Variants in PIR observed in about 807,000 individuals in gnomAD.
PIR encodes pirin (iron-binding nuclear protein).
A neutral mutation model predicts 24.2 loss-of-function variants in PIR; 22 were observed. The observed-to-expected ratio is 0.91, with a 90% CI of 0.65 to 1.30. The LOEUF (loss-of-function observed/expected upper bound fraction) is 1.30, where lower values mean the gene tolerates loss of function less well. Among genes scored for constraint, PIR ranks in the 50% most tolerant of loss-of-function variants. PIR has a pLI of 0.00. For synonymous variants in PIR, 80 were observed against 79.6 expected, an observed-to-expected ratio of 1.00 and a Z score of -0.03; for missense variants, 220 against 220.3, an observed-to-expected ratio of 1.00 and a Z score of 0.01.
At chrX:15,397,185 T>C (rs951320262) in intron 8 of PIR, among the ~76,000 whole-genome samples, 3 of 112,440 alleles carry the variant, frequency 2.7e-5, no homozygotes, top group African/African-American at 9.7e-5. Context: ...ACAACAAAGA[T>C]GTGTTGCTTC....
At chrX:15,390,694 G>A (rs186986576) in intron 8 of PIR, among the ~76,000 whole-genome samples, 1 of 111,215 alleles carries the variant, frequency 9.0e-6, no homozygotes, top group African/African-American at 3.3e-5. Flanking sequence ...CGGAAATATT[G>A]CACTAAATGG....
At chrX:15,410,983 T>A (rs1277642411) in intron 6 of PIR, among the ~76,000 whole-genome samples, 2 of 112,164 alleles carry the variant, frequency 1.8e-5, no homozygotes, top group Non-Finnish European at 3.8e-5. Context: ...ACAGAAGAGA[T>A]CTCTTGTCAG....
intron 6 of PIR, among the ~76,000 whole-genome samples, chrX:15,410,594 C>G (rs1051547001): frequency 4.5e-5 from 5 of 111,897 alleles, no homozygotes; most frequent in African/African-American, 1.3e-4. Flanking sequence ...AAATAATTGC[C>G]TAGATCTGTT....
intron 9 of PIR, among the ~76,000 whole-genome samples, chrX:15,387,073 C>CT (rs764572854): frequency 0.014 from 175 of 12,698 alleles, 7 homozygotes; most frequent in Non-Finnish European, 0.021. Context: ...CTTTTCTTTT[C>CT]TTTTTTTTTT....
At chrX:15,462,576 A>G (rs1349303870) in intron 3 of PIR, among the ~76,000 whole-genome samples, 1 of 112,450 alleles carries the variant, frequency 8.9e-6, no homozygotes, top group Non-Finnish European at 1.9e-5. Flanking sequence ...CCTCCTCTAT[A>G]CAAGCACTCA....
At chrX:15,460,602 C>T (rs1921260950) in intron 3 of PIR, among the ~76,000 whole-genome samples, 1 of 111,185 alleles carries the variant, frequency 9.0e-6, no homozygotes, top group Non-Finnish European at 1.9e-5. Context: ...CTTGCAGTGA[C>T]AAGATGAATA....
At chrX:15,457,822 G>A (rs772688736) in intron 4 of PIR, among the ~76,000 whole-genome samples, 2 of 112,086 alleles carry the variant, frequency 1.8e-5, no homozygotes, top group African/African-American at 3.2e-5. Context: ...CAGCCTGGGG[G>A]CCCAATCTAA....
At chrX:15,457,921 A>G (rs762031633) in intron 4 of PIR, among the ~76,000 whole-genome samples, 93 of 112,313 alleles carry the variant, frequency 8.3e-4, no homozygotes, top group African/African-American at 2.9e-3. Context: ...TGCTGCAATG[A>G]CAGAGTCTGG....
chrX:15,454,838 TTCAA>T (rs1370488852), intron 5 of PIR, among the ~76,000 whole-genome samples: 3 of 111,836 alleles, frequency 2.7e-5, no homozygotes, highest in African/African-American at 9.8e-5. Flanking sequence ...GTGCCTCCAC[TTCAA>T]AGTTAATGGC....
rs189889607 is a variant in PIR at position 15,433,112 on chromosome X, C to T, written c.481-7122G>A. ...CAAGTTGGCAGTGGCAGATATGAAT[C>T]TACATAGAGCTCAAAGGGGAGGCTT... is the stretch of plus-strand genomic sequence containing the variant. On this transcript the variant is annotated intron_variant, in intron 5 of 9. Transcript: ENST00000380420. Among the ~76,000 whole-genome samples, 8 of 112,519 alleles carry T rather than the reference C, an allele frequency of 7.1e-5. No homozygotes were observed. In the Admixed American group the frequency reaches 7.5e-4, roughly 11 times the overall value.
At chrX:15,386,241 C>A (rs1415975869) in intron 9 of PIR, among the ~76,000 whole-genome samples, 1 of 112,248 alleles carries the variant, frequency 8.9e-6, no homozygotes, top group East Asian at 2.8e-4. Context: ...AACTTCTTAA[C>A]CATTGTTATC....
intron 5 of PIR, among the ~76,000 whole-genome samples, chrX:15,449,819 C>G (rs753840949): frequency 8.9e-6 from 1 of 112,037 alleles, no homozygotes; most frequent in Admixed American, 9.5e-5. Context: ...ACACTAACAA[C>G]AAAGACTATG....
At position 15,440,335 on chromosome X, in the gene PIR, C is replaced by T. The variant is rs145631164; in HGVS notation, c.481-14345G>A. Among the ~76,000 whole-genome samples the T allele has an allele frequency of 5.8e-3, 651 of 111,291 alleles. 6 individuals are homozygous for T. Among genetic ancestry groups the T allele is most frequent in the African/African-American group, 0.021 (628 of 30,602 alleles). ...TACAGCCCACTGCTTCTGGCGGCTA[C>T]ACCATATTCCATCATATGTAACCAC... On this transcript the variant is annotated intron_variant, in intron 5 of 9. Transcript: ENST00000380420.
chrX:15,453,553 T>C (rs1222500981), intron 5 of PIR, among the ~76,000 whole-genome samples: 1 of 112,127 alleles, frequency 8.9e-6, no homozygotes, highest in Non-Finnish European at 1.9e-5. Flanking sequence ...CTGCCCATGG[T>C]TCCAAGAAGC....
chrX:15,491,690 G>GT (rs1923174159), intron 1 of PIR, among the ~76,000 whole-genome samples: 2 of 111,640 alleles, frequency 1.8e-5, no homozygotes, highest in South Asian at 7.5e-4. Context: ...TATTTTTACT[G>GT]TATCTTTTCT....
chrX:15,400,942 G>A (rs1025025573), intron 7 of PIR, among the ~76,000 whole-genome samples: 1 of 109,454 alleles, frequency 9.1e-6, no homozygotes, highest in South Asian at 3.9e-4. Context: ...GTTTCACCAT[G>A]TTAGCCAGGA....
intron 8 of PIR, among the ~76,000 whole-genome samples, chrX:15,394,427 A>T (rs1025224100): frequency 8.9e-6 from 1 of 112,200 alleles, no homozygotes; most frequent in Non-Finnish European, 1.9e-5. Context: ...GTTTTCCATG[A>T]ATAGTGCCAG....
intron 6 of PIR, among the ~76,000 whole-genome samples, chrX:15,419,800 G>A (rs1357326882): frequency 9.1e-6 from 1 of 109,571 alleles, no homozygotes; most frequent in Non-Finnish European, 1.9e-5. Context: ...GGAGGCTGAG[G>A]CAGGAGAATC....
intron 7 of PIR, among the ~76,000 whole-genome samples, chrX:15,405,197 A>G (rs897903139): frequency 6.2e-5 from 7 of 112,079 alleles, no homozygotes; most frequent in African/African-American, 1.6e-4. Flanking sequence ...ATTCCCTGCA[A>G]TTCATTTAAA....
Sources: allele counts gnomAD v4.1 joint callset (sites outside exome capture counted in the v4.1 genomes callset), GRCh38; gene constraint gnomAD v4.1.1; transcripts MANE v1.5; gene names NCBI Gene and HGNC (gene_info 2026-07-23, HGNC 2026-07-21).